The following CAPN15 variants were observed in gnomAD, a reference collection of about 807,000 sequenced individuals.
The protein encoded by CAPN15 is calpain 15.
In CAPN15, 53 loss-of-function variants were observed where a neutral mutation model predicts 97.9. The ratio of observed to expected loss-of-function variants is 0.54; its 90% CI spans 0.43 to 0.68. The LOEUF is 0.68. CAPN15 is among the 30% of genes least tolerant of loss of function. The pLI is 0.00. For synonymous variants in CAPN15, 922 were observed against 722.5 expected, an observed-to-expected ratio of 1.28 and a Z score of -4.43; for missense variants, 1,592 against 1,589.8, an observed-to-expected ratio of 1.00 and a Z score of -0.02.
intron 1 of CAPN15, among the ~76,000 whole-genome samples, chr16:529,269 C>T (rs2033074509): frequency 6.6e-6 from 1 of 152,166 alleles, no homozygotes; most frequent in Admixed American, 6.5e-5. Context: ...GGCCTCTTGT[C>T]TGGGCCTCCA....
At chr16:537,220 G>A (rs929996006) in intron 3 of CAPN15, 35 of 985,516 alleles carry the variant, frequency 3.6e-5, no homozygotes, top group Middle Eastern at 1.0e-3. Flanking sequence ...GTCCAGATGG[G>A]GCCCACAGGG....
At chr16:553,111 C>G in intron 13 of CAPN15, 70 bp downstream of exon 13, 1 of 856,338 alleles carries the variant, frequency 1.2e-6, no homozygotes, top group Non-Finnish European at 1.7e-6. Flanking sequence ...CACCCACACC[C>G]AACTCGTGCC....
Position 554,139 on chromosome 16 carries a change from C to T in CAPN15, c.*623C>T, listed in dbSNP as rs2035291452. 1 of 210,474 alleles carries T rather than the reference C, an allele frequency of 4.8e-6. No individual in the cohort carries two copies. Among genetic ancestry groups the T allele is most frequent in the South Asian group, 8.2e-5 (1 of 12,210 alleles). 13.0% of individuals were successfully genotyped at this position (210,474 alleles called of 1,614,324 possible). On this transcript the variant is annotated 3_prime_UTR_variant, in exon 14 of 14. Coordinates refer to ENST00000219611, the MANE Select transcript of CAPN15 (RefSeq NM_005632.3). ...AGCCATGACTGGGTGCAGGCGGGCG[C>T]CAGGCCCGCTGTGGGTGGGCACCAG...
intron 1 of CAPN15, among the ~76,000 whole-genome samples, chr16:531,984 A>G (rs941699166): frequency 1.3e-5 from 2 of 152,214 alleles, no homozygotes; most frequent in African/African-American, 4.8e-5. Context: ...TGACACCTGT[A>G]ATCCCAGCCC....
chr16:551,358 A>G lies in CAPN15; in HGVS notation c.2123A>G (p.Tyr708Cys). ...AACATGAAGGTGGACGATTCGGCCTACGAGAGCCTGGGCCTGCGCCCCCGG... is the reference window on the plus strand; with the variant it reads ...AACATGAAGGTGGACGATTCGGCCTGCGAGAGCCTGGGCCTGCGCCCCCGG... ...GGNMKVDDSA[Y>C]ESLGLRPRHA... Residue 708 changes from tyrosine (Y) to cysteine (C), a missense_variant, in exon 8 of 14, where the codon TAC becomes TGC. Around this residue, in one of 3 missense-constraint regions of CAPN15, gnomAD observed 644 missense variants for 699.6 expected, o/e 0.92. Coordinates refer to ENST00000219611, the MANE Select transcript of CAPN15 (RefSeq NM_005632.3). 1.2e-6 allele frequency: 2 copies of G among 1,609,732 alleles called. No homozygotes were observed. The highest frequency in any genetic ancestry group is 1.7e-6 in the Non-Finnish European group (2 of 1,178,792).
intron 3 of CAPN15, among the ~76,000 whole-genome samples, chr16:542,252 C>T (rs184941321): frequency 3.3e-5 from 5 of 152,330 alleles, no homozygotes; most frequent in African/African-American, 4.8e-5. Context: ...ACATTGTTTA[C>T]GAGGTTTTGC....
chr16:542,991 CA>C (rs1384007553), intron 3 of CAPN15, among the ~76,000 whole-genome samples: 6 of 150,206 alleles, frequency 4.0e-5, no homozygotes, highest in African/African-American at 1.5e-4. Context: ...GCGGAGGTTG[CA>C]GTGAGCCAAG....
chr16:554,122 C>G lies in CAPN15; in HGVS notation c.*606C>G, dbSNP rs375928519. 3.4e-5 allele frequency: 7 copies of G among 204,040 alleles called. No individual in the cohort carries two copies. The highest frequency in any genetic ancestry group is 5.0e-5 in the Non-Finnish European group (5 of 99,744). The allele number at this position is 204,040 out of a possible 1,614,324, so 12.6% of individuals were successfully genotyped here. ...GTGCCCGCCAGGATCGAAGCCATGACTGGGTGCAGGCGGGCGCCAGGCCCG... is the reference window on the plus strand; with the variant it reads ...GTGCCCGCCAGGATCGAAGCCATGAGTGGGTGCAGGCGGGCGCCAGGCCCG... On this transcript the variant is annotated 3_prime_UTR_variant, in exon 14 of 14. Coordinates refer to ENST00000219611, the MANE Select transcript of CAPN15 (RefSeq NM_005632.3).
chr16:531,306 T>TACTGGGA (rs2033234113), intron 1 of CAPN15, among the ~76,000 whole-genome samples: 1 of 152,210 alleles, frequency 6.6e-6, no homozygotes, highest in African/African-American at 2.4e-5. Context: ...TCAAGTGATC[T>TACTGGGA]TCCTGCCTCA....
intron 1 of CAPN15, among the ~76,000 whole-genome samples, chr16:532,220 A>G (rs1470461045): frequency 6.7e-6 from 1 of 149,354 alleles, no homozygotes; most frequent in African/African-American, 2.5e-5. Context: ...AGCCTAGGCG[A>G]CAGAGCTATA....
chr16:550,950 TGTGAGGGCCCCGGTCG>T (rs1371056207), intron 7 of CAPN15, among the ~76,000 whole-genome samples: 2 of 30,352 alleles, frequency 6.6e-5, no homozygotes, highest in Non-Finnish European at 1.1e-4. Flanking sequence ...GTCCCCTGTC[TGTGAGGGCCCCGGTCG>T]GTGAGGGTCC....
intron 3 of CAPN15, among the ~76,000 whole-genome samples, chr16:544,735 C>T (rs1234407220): frequency 3.8e-3 from 182 of 47,350 alleles, no homozygotes; most frequent in Non-Finnish European, 4.7e-3. Flanking sequence ...CCCCACGTCG[C>T]CTCCCCCACG....
chr16:541,990 C>T (rs1408283626), intron 3 of CAPN15, among the ~76,000 whole-genome samples: 1 of 140,402 alleles, frequency 7.1e-6, no homozygotes, highest in Non-Finnish European at 1.5e-5. Flanking sequence ...TTGCCTTGTG[C>T]AGAAGGTGCG....
At chr16:543,359 G>A (rs1305479939) in intron 3 of CAPN15, 3 of 154,146 alleles carry the variant, frequency 1.9e-5, no homozygotes, top group Non-Finnish European at 4.4e-5. Flanking sequence ...TACCGGGGGT[G>A]GCGGCCGTGG....
In CAPN15 at chr16:552,848, C is replaced by T. The variant is rs1170363311; in HGVS notation, c.2905-15C>T. 3.8e-6 allele frequency: 6 copies of T among 1,586,460 alleles called. No individual in the cohort carries two copies. The highest frequency in any genetic ancestry group is 2.3e-5 in the East Asian group (1 of 44,416). ...AGCACCTCCCCTGCCCCACAACTGC[C>T]ATTCCTGTGCCCAGGGCCGTGAGGG... On this transcript the variant is annotated splice_polypyrimidine_tract_variant and intron_variant, in intron 12 of 13. Coordinates refer to ENST00000219611, the MANE Select transcript of CAPN15 (RefSeq NM_005632.3). This position sits in a 1 kb window ranked among gnomAD's most constrained non-coding sequence, Gnocchi z 6.4.
rs567936697 is a variant in CAPN15, at chr16:554,299, C to T, written c.*783C>T. On this transcript the variant is annotated 3_prime_UTR_variant, in exon 14 of 14. Coordinates refer to ENST00000219611, the MANE Select transcript of CAPN15 (RefSeq NM_005632.3). ...ACGGGCAGGGCTCAGCCGCTCCCAC[C>T]TCCCCACAGAAGCCCAGGAGTGTGT... 6.1e-4 allele frequency: 217 copies of T among 352,960 alleles called. No individual in the cohort carries two copies. Among genetic ancestry groups the T allele is most frequent in the Non-Finnish European group, 1.1e-3 (197 of 179,006 alleles). 21.9% of individuals were successfully genotyped at this position (352,960 alleles called of 1,614,324 possible).
intron 1 of CAPN15, among the ~76,000 whole-genome samples, chr16:533,204 G>C (rs998022209): frequency 6.6e-6 from 1 of 152,234 alleles, no homozygotes; most frequent in Non-Finnish European, 1.5e-5. Flanking sequence ...CTGGGTGACA[G>C]AGCGAGGCTC....
Position 547,257 on chromosome 16 carries a change from C to A in CAPN15, c.419C>A (p.Ala140Glu). The change falls in exon 4 of 14, where the codon GCG becomes GAG. Residue 140 changes from alanine to glutamate, a missense_variant. Ala to Glu is a moderately radical substitution (Grantham distance 107, BLOSUM62 -1). Coordinates refer to ENST00000219611, the MANE Select transcript of CAPN15 (RefSeq NM_005632.3). ...EKEEQEEEEG[A>E]AEPRGGWACP... is the part of the protein sequence containing the mutation. ...GAGGAGCAGGAGGAGGAGGAGGGAG[C>A]GGCGGAGCCCAGAGGGGGCTGGGCG... The A allele has an allele frequency of 1.3e-6, 2 of 1,508,676 alleles. No individual in the cohort carries two copies. The highest frequency in any genetic ancestry group is 8.8e-7 in the Non-Finnish European group (1 of 1,134,078). The allele number at this position is 1,508,676 out of a possible 1,614,324, so 93.5% of individuals were successfully genotyped here. A position where few individuals can be genotyped will look rare whatever the true frequency, so the allele number is the denominator to read the frequency against.
rs1567146084 is a variant in CAPN15, at chr16:544,734, G to GT, written c.-22-2083_-22-2082insT. Among the ~76,000 whole-genome samples the GT allele has an allele frequency of 7.4e-5, 5 of 67,276 alleles. 1 individual carries two copies. Among genetic ancestry groups the GT allele is most frequent in the South Asian group, 4.2e-4 (1 of 2,364 alleles). The allele number at this position is 67,276 out of a possible 152,430, so 44.1% of individuals were successfully genotyped here. On this transcript the variant is annotated intron_variant, in intron 3 of 13. Coordinates refer to ENST00000219611, the MANE Select transcript of CAPN15 (RefSeq NM_005632.3). Reference sequence around the variant, plus strand: ...TCCCCCACGTCGCCTCCCCCACGTCGCCTCCCCCACGTCGTCGCCTCCCCC... The same window carrying GT: ...TCCCCCACGTCGCCTCCCCCACGTCGTCCTCCCCCACGTCGTCGCCTCCCCC...
Sources: gnomAD v4.1 joint callset for allele counts (sites outside exome capture counted in the v4.1 genomes callset) on GRCh38, gnomAD v4.1.1 for gene constraint, gnomAD v4.1.1 regional missense constraint, Gnocchi (gnomAD v3.1) non-coding constraint, MANE v1.5 for transcripts, NCBI Gene and HGNC (gene_info 2026-07-23, HGNC 2026-07-21) for gene names.